The following PGM5 variants were observed in gnomAD, a reference collection of about 807,000 sequenced individuals.
The protein encoded by PGM5 is phosphoglucomutase-like protein 5.
PGM5 carries 23 observed loss-of-function variants against 59.2 expected under a neutral mutation model. The observed-to-expected ratio is 0.39, with a 90% CI of 0.28 to 0.55. PGM5 has a LOEUF of 0.55. PGM5 is among the 20% of genes least tolerant of loss of function. The pLI, the probability that PGM5 is intolerant of heterozygous loss-of-function variation, is 0.66. For synonymous variants in PGM5, 214 were observed against 286.0 expected (o/e 0.75, Z 2.54); for missense variants, 574 against 748.3 (o/e 0.77, Z 2.72).
intron 6 of PGM5, among the ~76,000 whole-genome samples, chr9:68,446,177 T>C (rs1028542087): frequency 6.6e-6 from 1 of 152,206 alleles, no homozygotes; most frequent in African/African-American, 2.4e-5. Flanking sequence ...GTGAAAGTAA[T>C]TTAAATAATG....
chr9:68,365,973 G>A (rs192495511), intron 1 of PGM5, among the ~76,000 whole-genome samples: 7,928 of 152,074 alleles, frequency 0.052, 229 homozygotes, highest in African/African-American at 0.074. Context: ...CACATGAACA[G>A]GTGGCCAACC....
chr9:68,497,269 T>C lies in PGM5; in HGVS notation c.1480-1958T>C, dbSNP rs146248464. The stretch of plus-strand genomic sequence containing the variant: ...CTTAAGGAGGACAACTATTGTGTCT[T>C]TATATTCATATACCCAGGATTTAGC... On this transcript the variant is annotated intron_variant, in intron 9 of 10. Coordinates refer to ENST00000396396, the MANE Select transcript of PGM5 (RefSeq NM_021965.4). 126 of 152,328 alleles carry C rather than the reference T, an allele frequency of 8.3e-4. 1 individual carries two copies. The highest frequency in any genetic ancestry group is 2.8e-3 in the African/African-American group (118 of 41,562). 9.4% of individuals were successfully genotyped at this position (152,328 alleles called of 1,614,324 possible).
intron 6 of PGM5, among the ~76,000 whole-genome samples, chr9:68,423,307 T>C (rs1478623234): frequency 2.0e-5 from 3 of 152,224 alleles, no homozygotes; most frequent in Non-Finnish European, 4.4e-5. Flanking sequence ...CACACTGTTT[T>C]CCATAGTGGT....
intron 6 of PGM5, among the ~76,000 whole-genome samples, chr9:68,430,049 C>A (rs1823317150): frequency 6.6e-6 from 1 of 152,120 alleles, no homozygotes; most frequent in Non-Finnish European, 1.5e-5. Flanking sequence ...GTTTGAAATG[C>A]AAAACCTAAT....
At chr9:68,479,352 A>G (rs1304663690) in intron 7 of PGM5, 66 bp from the exon 8 acceptor site, 13 of 1,481,140 alleles carry the variant, frequency 8.8e-6, no homozygotes, top group Non-Finnish European at 1.2e-5. Flanking sequence ...TGGTCTTCTT[A>G]ATTCATTTAG....
chr9:68,431,206 C>T (rs570906865), intron 6 of PGM5, among the ~76,000 whole-genome samples: 18 of 152,326 alleles, frequency 1.2e-4, no homozygotes, highest in South Asian at 4.1e-4. Context: ...CTGTCACAGC[C>T]CATCTGGAGC....
At chr9:68,521,782 C>T (rs56927673) in intron 10 of PGM5, among the ~76,000 whole-genome samples, 11,498 of 152,198 alleles carry the variant, frequency 0.076, 1,463 homozygotes, top group African/African-American at 0.26. Context: ...GGAAACAGTC[C>T]TAACAATTTA....
intron 3 of PGM5, among the ~76,000 whole-genome samples, chr9:68,386,758 T>C (rs1177911228): frequency 1.3e-5 from 2 of 152,082 alleles, no homozygotes; most frequent in Non-Finnish European, 2.9e-5. Flanking sequence ...GATTGACAAG[T>C]ATGAAAAATG....
chr9:68,444,025 A>C (rs1057040198), intron 6 of PGM5, among the ~76,000 whole-genome samples: 3 of 149,928 alleles, frequency 2.0e-5, no homozygotes, highest in African/African-American at 4.9e-5. Context: ...AGGAGATTGC[A>C]TGTGCTACTT....
chr9:68,362,178 T>C (rs1834590608), intron 1 of PGM5, among the ~76,000 whole-genome samples: 2 of 151,032 alleles, frequency 1.3e-5, no homozygotes, highest in Admixed American at 6.6e-5. Context: ...CTGGGTTATT[T>C]GGCTACCCTG....
chr9:68,367,002 T>C (rs1303769214), intron 1 of PGM5, among the ~76,000 whole-genome samples: 2 of 152,228 alleles, frequency 1.3e-5, no homozygotes, highest in Admixed American at 1.3e-4. Context: ...TCTTGACTTT[T>C]GGCATTTCTC....
At chr9:68,493,657 T>A (rs552342100) in intron 9 of PGM5, among the ~76,000 whole-genome samples, 1 of 152,342 alleles carries the variant, frequency 6.6e-6, no homozygotes, top group East Asian at 1.9e-4. Context: ...ATTTTTCAAC[T>A]GCTTTTTAGG....
intron 7 of PGM5, among the ~76,000 whole-genome samples, chr9:68,478,442 G>A (rs1824139991): frequency 6.6e-6 from 1 of 152,310 alleles, no homozygotes; most frequent in South Asian, 2.1e-4. Context: ...CTCAGTGGGG[G>A]CAGACCCTAA....
intron 7 of PGM5, among the ~76,000 whole-genome samples, chr9:68,477,808 G>A (rs1006459354): frequency 1.3e-5 from 2 of 152,202 alleles, no homozygotes; most frequent in Non-Finnish European, 2.9e-5. Context: ...TAACCCCATG[G>A]GGTAGGGGCT....
At chr9:68,436,494 G>T (rs1823443471) in intron 6 of PGM5, among the ~76,000 whole-genome samples, 1 of 152,128 alleles carries the variant, frequency 6.6e-6, no homozygotes, top group Non-Finnish European at 1.5e-5. Flanking sequence ...GGAGTATCTG[G>T]GTCAAGGTGA....
chr9:68,481,395 A>T (rs1490515355), intron 8 of PGM5, among the ~76,000 whole-genome samples: 3 of 152,196 alleles, frequency 2.0e-5, no homozygotes, highest in African/African-American at 7.2e-5. Context: ...AACTTGGTTT[A>T]CTCATTATTT....
chr9:68,420,671 C>A (rs115097226), intron 6 of PGM5, among the ~76,000 whole-genome samples: 1 of 152,044 alleles, frequency 6.6e-6, no homozygotes, highest in African/African-American at 2.4e-5. Context: ...AGATGTGGTA[C>A]CTTAGAGCCT....
chr9:68,448,419 C>T (rs574801681), intron 6 of PGM5, among the ~76,000 whole-genome samples: 94 of 152,262 alleles, frequency 6.2e-4, no homozygotes, highest in African/African-American at 2.2e-3. Context: ...CCTGTTCCCA[C>T]TTAGAGGCTT....
intron 1 of PGM5, among the ~76,000 whole-genome samples, chr9:68,359,653 C>T (rs1448192626): frequency 2.6e-5 from 4 of 152,158 alleles, no homozygotes; most frequent in Admixed American, 2.0e-4. Context: ...GAATACTGAA[C>T]TTGGATCCCA....
Sources: allele counts gnomAD v4.1 joint callset (sites outside exome capture counted in the v4.1 genomes callset), GRCh38; gene constraint gnomAD v4.1.1; transcripts MANE v1.5; gene names NCBI Gene and HGNC (gene_info 2026-07-23, HGNC 2026-07-21).